The following MIA3 variants were observed in gnomAD, a reference collection of about 807,000 sequenced individuals.
The protein encoded by MIA3 is MIA SH3 domain ER export factor 3.
MIA3 carries 90 observed loss-of-function variants against 192.4 expected under a neutral mutation model. The ratio of observed to expected loss-of-function variants is 0.47; its 90% CI spans 0.39 to 0.56. The LOEUF (loss-of-function observed/expected upper bound fraction) is 0.56, where lower values mean the gene tolerates loss of function less well. MIA3 is among the 20% of genes least tolerant of loss of function. The pLI, the probability that MIA3 is intolerant of heterozygous loss-of-function variation, is 0.00. For missense variants in MIA3, 2,123 were observed against 2,269.4 expected, an observed-to-expected ratio of 0.94 and a Z score of 1.31; for synonymous variants, 740 against 792.8, an observed-to-expected ratio of 0.93 and a Z score of 1.12.
At chr1:222,647,053 G>A (rs1445315848) in intron 7 of MIA3, among the ~76,000 whole-genome samples, 2 of 152,142 alleles carry the variant, frequency 1.3e-5, no homozygotes, top group East Asian at 1.9e-4. Flanking sequence ...TTATATCTAG[G>A]AGATGAGGTA....
intron 18 of MIA3, among the ~76,000 whole-genome samples, chr1:222,657,530 C>T (rs1663794833): frequency 1.3e-5 from 2 of 152,192 alleles, no homozygotes; most frequent in African/African-American, 4.8e-5. Flanking sequence ...CTGATGCCTT[C>T]GAGCACATTC....
rs746179156 is a variant in MIA3, at chr1:222,650,392, CTTT to C, written c.3720+13_3720+15del. ...ATTATGAACAGAAGGTATGATTATT[CTTT>C]GTTTTTTTTTTTTTTCATGGTCCCA... On this transcript the variant is annotated intron_variant, in intron 9 of 27. Coordinates refer to ENST00000344922, the MANE Select transcript of MIA3 (RefSeq NM_198551.4). 47 of 1,297,136 alleles carry C rather than the reference CTTT, an allele frequency of 3.6e-5. No homozygotes were observed. The highest frequency in any genetic ancestry group is 5.1e-5 in the Non-Finnish European group (47 of 929,360). 80.4% of individuals were successfully genotyped at this position (1,297,136 alleles called of 1,614,324 possible). A position where few individuals can be genotyped will look rare whatever the true frequency, so the allele number is the denominator to read the frequency against.
At chr1:222,655,038 G>A (rs187611859) in intron 18 of MIA3, among the ~76,000 whole-genome samples, 29 of 152,298 alleles carry the variant, frequency 1.9e-4, no homozygotes, top group African/African-American at 5.5e-4. Flanking sequence ...ACTGACGGTC[G>A]CTGCTGTGGG....
chr1:222,641,602 C>G, intron 6 of MIA3: 1 of 526,278 alleles, frequency 1.9e-6, no homozygotes, highest in South Asian at 1.4e-5. Context: ...TACATAGTAC[C>G]CAGTTCCTAC....
intron 6 of MIA3, among the ~76,000 whole-genome samples, chr1:222,639,781 A>G (rs1009443342): frequency 6.6e-6 from 1 of 152,206 alleles, no homozygotes; most frequent in Non-Finnish European, 1.5e-5. Flanking sequence ...ATCATACTTA[A>G]TAGTGAATGA....
Position 222,628,287 on chromosome 1 carries a change from A to G in MIA3, c.1067A>G (p.Gln356Arg). The G allele has an allele frequency of 6.2e-7, 1 of 1,614,022 alleles. No individual in the cohort carries two copies. Among genetic ancestry groups the G allele is most frequent in the South Asian group, 1.1e-5 (1 of 91,040 alleles). Residue 356 changes from glutamine (Q) to arginine (R), a missense_variant, in exon 4 of 28, where the codon CAG (glutamine) becomes CGG (arginine). Around this residue, in one of 3 missense-constraint regions of MIA3, gnomAD observed 1,357 missense variants for 1,396.1 expected, o/e 0.97. Coordinates refer to ENST00000344922, the MANE Select transcript of MIA3 (RefSeq NM_198551.4). ...GAGAAATATCCAACAGATAAAGAGC[A>G]GAATTCAAATGAAGAGGACAAGGTT... ...GVEKYPTDKE[Q>R]NSNEEDKVQL...
intron 8 of MIA3, among the ~76,000 whole-genome samples, chr1:222,649,061 G>A (rs781112611): frequency 6.6e-6 from 1 of 152,200 alleles, no homozygotes; most frequent in Admixed American, 6.5e-5. Flanking sequence ...CGAATTGTGG[G>A]AGTAGGGAGA....
chr1:222,652,133 T>G (rs930356618), intron 12 of MIA3, 85 bp downstream of exon 12: 1 of 1,350,736 alleles, frequency 7.4e-7, no homozygotes, highest in Non-Finnish European at 1.0e-6. Flanking sequence ...TGCTAAAATG[T>G]GCAAAAAATG....
At chr1:222,654,149 C>A in intron 15 of MIA3, 94 bp from the exon 16 acceptor site, 1 of 1,186,228 alleles carries the variant, frequency 8.4e-7, no homozygotes, top group Non-Finnish European at 1.2e-6. Context: ...AATGTTTGAA[C>A]ATGACAATTG....
intron 1 of MIA3, among the ~76,000 whole-genome samples, chr1:222,619,248 C>T (rs1661750895): frequency 6.6e-6 from 1 of 152,152 alleles, no homozygotes; most frequent in South Asian, 2.1e-4. Context: ...CTATGTTCGC[C>T]GGACCAGGAT....
At position 222,629,090 on chromosome 1, in the gene MIA3, C is replaced by G; in HGVS notation, c.1870C>G (p.Leu624Val). Residue 624 changes from leucine (L) to valine (V), a missense_variant, in exon 4 of 28, where the codon CTT becomes GTT. Physicochemically the swap from Leu to Val is conservative, Grantham distance 32. Transcript: ENST00000344922. ...QREELKEELV[L>V]KTQNQPRFSS... is the part of the protein sequence containing the mutation. ...TGAGGAATTGAAAGAGGAATTAGTT[C>G]TTAAAACTCAAAACCAACCTAGATT... is the stretch of plus-strand genomic sequence containing the variant. 1.2e-6 allele frequency: 2 copies of G among 1,614,214 alleles called. No homozygotes were observed. Among genetic ancestry groups the G allele is most frequent in the Non-Finnish European group, 1.7e-6 (2 of 1,180,032 alleles).
chr1:222,643,663 A>G (rs3002149), intron 6 of MIA3, among the ~76,000 whole-genome samples: 151,878 of 152,248 alleles, frequency 1, 75,756 homozygotes, highest in Non-Finnish European at 1. Context: ...CACAAGTCAT[A>G]TAACCTTAAG....
intron 6 of MIA3, among the ~76,000 whole-genome samples, chr1:222,643,755 A>T (rs1662972316): frequency 6.6e-6 from 1 of 150,568 alleles, no homozygotes; most frequent in African/African-American, 2.5e-5. Context: ...ACATAGGGAG[A>T]CTCCCTCCCC....
chr1:222,667,905 A>G lies in MIA3; in HGVS notation c.*2286A>G, dbSNP rs953324757. 13 of 152,214 alleles carry G rather than the reference A, an allele frequency of 8.5e-5. No individual in the cohort carries two copies. Among genetic ancestry groups the G allele is most frequent in the Non-Finnish European group, 1.6e-4 (11 of 68,032 alleles). The allele number at this position is 152,214 out of a possible 1,614,324, so 9.4% of individuals were successfully genotyped here. On this transcript the variant is annotated 3_prime_UTR_variant, in exon 28 of 28. Transcript: ENST00000344922. ...GGCTGATTTTTTTCATTGGAAAGTA[A>G]ATTTAAGTAATTCGTGGGATGTGGT...
rs1394799084 is a variant in MIA3, at chr1:222,658,811, T to C, written c.4697T>C (p.Val1566Ala). 6.2e-7 allele frequency: 1 copy of C among 1,611,768 alleles called. No homozygotes were observed. The highest frequency in any genetic ancestry group is 1.1e-5 in the South Asian group (1 of 90,882). ...DEKAVSAAEE[V>A]KTYKRRIEEM... Reference sequence around the variant, plus strand: ...AAGGCAGTTTCGGCTGCAGAGGAAGTAAAAACTTACAAGTAAGTTCACCTC... The same window carrying C: ...AAGGCAGTTTCGGCTGCAGAGGAAGCAAAAACTTACAAGTAAGTTCACCTC... Residue 1566 changes from valine to alanine, a missense_variant, in exon 19 of 28, where the codon GTA becomes GCA. By Grantham distance (64) the Val-to-Ala change is moderately conservative. Coordinates refer to ENST00000344922, the MANE Select transcript of MIA3 (RefSeq NM_198551.4).
intron 2 of MIA3, among the ~76,000 whole-genome samples, chr1:222,621,832 G>A (rs181314584): frequency 0.018 from 2,706 of 148,260 alleles, 63 homozygotes; most frequent in Middle Eastern, 0.052. Context: ...TTTTTGAGGC[G>A]GAGTCTTGCT....
chr1:222,666,596 G>A lies in MIA3; in HGVS notation c.*977G>A, dbSNP rs1664298932. ...TTTTGAGGAATATAATAAAAAGATT[G>A]GAAGAGTATAATGCCATGAGAAAGA... On this transcript the variant is annotated 3_prime_UTR_variant, in exon 28 of 28. Transcript: ENST00000344922. The A allele has an allele frequency of 6.8e-6, 1 of 146,270 alleles. No individual in the cohort carries two copies. The highest frequency in any genetic ancestry group is 2.5e-5 in the African/African-American group (1 of 39,580). 9.1% of individuals were successfully genotyped at this position (146,270 alleles called of 1,614,324 possible). A position where few individuals can be genotyped will look rare whatever the true frequency, so the allele number is the denominator to read the frequency against.
chr1:222,631,468 A>C (rs1364737821), intron 4 of MIA3, among the ~76,000 whole-genome samples: 1 of 152,174 alleles, frequency 6.6e-6, no homozygotes, highest in East Asian at 1.9e-4. Flanking sequence ...TACCAAGGGG[A>C]CAGGAAGCCA....
chr1:222,644,667 T>A (rs1663047482), intron 6 of MIA3: 1 of 1,417,066 alleles, frequency 7.1e-7, no homozygotes, highest in Admixed American at 2.0e-5. Flanking sequence ...GTGCACTGAT[T>A]GTCTGTGCAA....
Sources: gnomAD v4.1 joint callset for allele counts (sites outside exome capture counted in the v4.1 genomes callset) on GRCh38, gnomAD v4.1.1 for gene constraint, gnomAD v4.1.1 regional missense constraint, MANE v1.5 for transcripts, NCBI Gene and HGNC (gene_info 2026-07-23, HGNC 2026-07-21) for gene names.